ACO1: variants seen among roughly 807,000 people sequenced by gnomAD.
The protein encoded by ACO1 is cytoplasmic aconitate hydratase.
In ACO1, 78 loss-of-function variants were observed where a neutral mutation model predicts 105.1. The observed-to-expected ratio is 0.74, with a 90% CI of 0.62 to 0.90. ACO1 has a LOEUF of 0.90. Among genes scored for constraint, ACO1 ranks in the 40% least tolerant of loss-of-function variants. The pLI is 0.00. For missense variants in ACO1, 965 were observed against 1,111.1 expected (o/e 0.87, Z 1.87); for synonymous variants, 364 against 397.4 (o/e 0.92, Z 1.00).
chr9:32,408,431 A>G (rs1821661667), intron 3 of ACO1, 83 bp from the exon 4 acceptor site: 1 of 1,520,232 alleles, frequency 6.6e-7, no homozygotes, highest in Non-Finnish European at 9.0e-7. Flanking sequence ...CCTTGTCAAT[A>G]TTATCAATGG....
intron 10 of ACO1, 110 bp from the exon 11 acceptor site, chr9:32,425,728 T>C (rs993250032): frequency 1.6e-5 from 11 of 688,586 alleles, no homozygotes; most frequent in Non-Finnish European, 2.4e-5. Flanking sequence ...AAGTATTCCT[T>C]CTTCTCAAGT....
chr9:32,396,991 A>C (rs1266166563), intron 1 of ACO1, among the ~76,000 whole-genome samples: 2 of 151,854 alleles, frequency 1.3e-5, no homozygotes, highest in Admixed American at 1.3e-4. Context: ...TTTTTTTAAA[A>C]TCTTGACATA....
rs754639080 is a variant in ACO1, at chr9:32,427,237, G to C, written c.1349-64G>C. The C allele has an allele frequency of 8.2e-5, 130 of 1,593,422 alleles. 1 individual carries two copies. The highest frequency in any genetic ancestry group is 1.0e-4 in the Non-Finnish European group (120 of 1,168,024). On this transcript the variant is annotated intron_variant, in intron 11 of 20. Transcript: ENST00000309951. ...ACTGAAGAAAATCAGGCTCTTTTCT[G>C]AAGTGTGCCTGGCACCTAGAGCAGG...
intron 18 of ACO1, among the ~76,000 whole-genome samples, chr9:32,440,134 G>C (rs780920455): frequency 9.9e-5 from 15 of 152,100 alleles, no homozygotes; most frequent in Non-Finnish European, 1.5e-4. Context: ...GGGTATGGTG[G>C]TGTGCGCCTG....
chr9:32,449,078 C>A lies in ACO1; in HGVS notation c.2553C>A (p.Val851=). ...ENLKPQMKVQ[V]KLDTGKTFQA... is the part of the protein sequence containing the mutation. ...TCAAACCACAAATGAAAGTCCAGGT[C>A]AAGGTAAGCTGGAGCCTCTCTATGC... The change falls in exon 20 of 21, where the codon GTC becomes GTA. Residue 851 remains valine (V), a synonymous_variant. Transcript: ENST00000309951. 6.2e-7 allele frequency: 1 copy of A among 1,602,746 alleles called. No individual in the cohort carries two copies. Among genetic ancestry groups the A allele is most frequent in the South Asian group, 1.1e-5 (1 of 89,716 alleles).
Position 32,439,058 on chromosome 9 carries a change from G to C in ACO1, c.2248-1407G>C, listed in dbSNP as rs1010522256. Among the ~76,000 whole-genome samples the C allele has an allele frequency of 6.6e-6, 1 of 152,190 alleles. No individual in the cohort carries two copies. The highest frequency in any genetic ancestry group is 1.9e-4 in the East Asian group (1 of 5,198). ...AGCTGTCAGTGGCTCTCAGCATGGC[G>C]TGTTTAATAGAAAAGTCAGGAGACG... On this transcript the variant is annotated intron_variant, in intron 18 of 20. Transcript: ENST00000309951. This position sits in a 1 kb window ranked among gnomAD's most constrained non-coding sequence, Gnocchi z 4.0.
At chr9:32,405,292 G>C (rs1015122227) in intron 1 of ACO1, among the ~76,000 whole-genome samples, 193 bp from the exon 2 acceptor site, 1 of 152,102 alleles carries the variant, frequency 6.6e-6, no homozygotes, top group African/African-American at 2.4e-5. Context: ...ACCAGACTTT[G>C]GACAGAGGAG....
intron 1 of ACO1, among the ~76,000 whole-genome samples, chr9:32,402,794 A>G (rs1286448505): frequency 1.3e-5 from 2 of 152,230 alleles, no homozygotes; most frequent in African/African-American, 4.8e-5. Context: ...GAGATTTGAG[A>G]CAAGAATGAT....
At chr9:32,428,909 C>T (rs1395948996) in intron 12 of ACO1, among the ~76,000 whole-genome samples, 2 of 152,130 alleles carry the variant, frequency 1.3e-5, no homozygotes, top group Admixed American at 1.3e-4. Context: ...ATGCCTTGCA[C>T]TGTGACATCA....
Position 32,420,956 on chromosome 9 carries a change from G to C in ACO1, c.899G>C (p.Cys300Ser). The C allele has an allele frequency of 2.5e-6, 4 of 1,614,132 alleles. No homozygotes were observed. Among genetic ancestry groups the C allele is most frequent in the Non-Finnish European group, 3.4e-6 (4 of 1,180,014 alleles). The change falls in exon 8 of 21, where the codon TGT becomes TCT. Residue 300 changes from cysteine (C) to serine (S), a missense_variant. Physicochemically the swap from Cys to Ser is moderately radical, Grantham distance 112. Coordinates refer to ENST00000309951, the MANE Select transcript of ACO1 (RefSeq NM_002197.3). ...IADRATIANM[C>S]PEYGATAAFF... Reference sequence around the variant, plus strand: ...GACCGAGCTACGATTGCTAACATGTGTCCAGAGTACGGAGCAACTGCTGCC... The same window carrying C: ...GACCGAGCTACGATTGCTAACATGTCTCCAGAGTACGGAGCAACTGCTGCC...
chr9:32,393,612 C>T (rs753139314), intron 1 of ACO1, among the ~76,000 whole-genome samples: 3 of 152,160 alleles, frequency 2.0e-5, no homozygotes, highest in Non-Finnish European at 2.9e-5. Flanking sequence ...TCATACACTC[C>T]CTCCCCTTTT....
At chr9:32,424,800 A>C (rs768772285) in intron 10 of ACO1, 135 bp downstream of exon 10, 60 of 653,094 alleles carry the variant, frequency 9.2e-5, no homozygotes, top group Non-Finnish European at 1.6e-4. Context: ...CTTCCTTCTG[A>C]AGTCCTTAAT....
intron 2 of ACO1, 52 bp downstream of exon 2, chr9:32,405,655 G>C (rs774068800): frequency 1.5e-6 from 2 of 1,303,022 alleles, no homozygotes; most frequent in Non-Finnish European, 2.2e-6. Flanking sequence ...CAATGATTAG[G>C]CTATGTAATT....
In ACO1 at chr9:32,432,473, G is replaced by T. The variant is rs1822261065; in HGVS notation, c.1851+630G>T. Among the ~76,000 whole-genome samples the T allele has an allele frequency of 3.3e-5, 5 of 152,298 alleles. No homozygotes were observed. In the South Asian group the frequency reaches 1.0e-3, roughly 32 times the overall value. ...CTAGGGGAAGGGGTGATGTAGGTGT[G>T]ATGTTCACACGCTGCACTCTTCACA... On this transcript the variant is annotated intron_variant, in intron 15 of 20. Transcript: ENST00000309951.
chr9:32,397,424 C>A (rs967644680), intron 1 of ACO1, among the ~76,000 whole-genome samples: 1 of 152,164 alleles, frequency 6.6e-6, no homozygotes, highest in African/African-American at 2.4e-5. Context: ...CCAGATGCAT[C>A]CCCATCAAAT....
intron 9 of ACO1, among the ~76,000 whole-genome samples, 176 bp downstream of exon 9, chr9:32,423,595 C>T (rs1050521438): frequency 1.3e-5 from 2 of 152,188 alleles, no homozygotes; most frequent in African/African-American, 2.4e-5. Context: ...GTAAACATAA[C>T]AGAATAATAT....
At chr9:32,393,900 C>G (rs1821318327) in intron 1 of ACO1, among the ~76,000 whole-genome samples, 1 of 152,148 alleles carries the variant, frequency 6.6e-6, no homozygotes, top group African/African-American at 2.4e-5. Flanking sequence ...TCCCAGACAC[C>G]AGTCTGGCAG....
chr9:32,429,543 T>C (rs1461733934), intron 13 of ACO1, 40 bp downstream of exon 13: 1 of 1,552,414 alleles, frequency 6.4e-7, no homozygotes. Context: ...GAGCAGTTGT[T>C]TCTTTTCATG....
chr9:32,444,980 A>G (rs10970980), intron 19 of ACO1, among the ~76,000 whole-genome samples: 46,572 of 152,030 alleles, frequency 0.31, 7,641 homozygotes, highest in East Asian at 0.52. Context: ...TGATCATGGT[A>G]GATAAGCTTT....
Sources: gnomAD v4.1 joint callset for allele counts (sites outside exome capture counted in the v4.1 genomes callset) on GRCh38, gnomAD v4.1.1 for gene constraint, Gnocchi (gnomAD v3.1) non-coding constraint, MANE v1.5 for transcripts, NCBI Gene and HGNC (gene_info 2026-07-23, HGNC 2026-07-21) for gene names.